Variants in DLGAP1 observed in about 807,000 individuals in gnomAD.
DLGAP1 encodes disks large-associated protein 1.
DLGAP1 carries 11 observed loss-of-function variants against 90.8 expected under a neutral mutation model. That is an observed-to-expected ratio of 0.12 (90% CI 0.08 to 0.20). DLGAP1 has a LOEUF of 0.20. Ranked by LOEUF, DLGAP1 falls within the 10% of genes least tolerant of loss-of-function variation. DLGAP1 has a pLI of 1.00. For synonymous variants in DLGAP1, 558 were observed against 540.7 expected, an observed-to-expected ratio of 1.03 and a Z score of -0.44; for missense variants, 1,050 against 1,333.8, an observed-to-expected ratio of 0.79 and a Z score of 3.31.
chr18:3,701,740 G>A (rs2061285994), intron 7 of DLGAP1, among the ~76,000 whole-genome samples: 1 of 152,166 alleles, frequency 6.6e-6, no homozygotes, highest in African/African-American at 2.4e-5. Context: ...TCTGAAGCTG[G>A]GTTGGTATAT....
chr18:3,957,249 G>A (rs2073102639), intron 3 of DLGAP1, among the ~76,000 whole-genome samples: 1 of 152,158 alleles, frequency 6.6e-6, no homozygotes, highest in South Asian at 2.1e-4. Flanking sequence ...GGAAGAAGGA[G>A]CCAGGAGCCA....
chr18:4,395,374 A>C (rs1050856233), intron 1 of DLGAP1, among the ~76,000 whole-genome samples: 1 of 120,204 alleles, frequency 8.3e-6, no homozygotes, highest in African/African-American at 2.5e-5. Context: ...ACTTAATCAA[A>C]ATCAAATAGG....
At position 3,776,382 on chromosome 18, in the gene DLGAP1, C is replaced by A. The variant is rs544815681; in HGVS notation, c.1173-33870G>T. 1.2e-4 allele frequency among the ~76,000 whole-genome samples: 18 copies of A among 152,230 alleles called. No homozygotes were observed. In the East Asian group the frequency reaches 3.5e-3, roughly 29 times the overall value. ...GTGTATTCTTCTGTGTTTGTACAGC[C>A]CCAGTGAAATGAATCCTCTGAAAGT... is the stretch of plus-strand genomic sequence containing the variant. On this transcript the variant is annotated intron_variant, in intron 5 of 12. Coordinates refer to ENST00000315677, the MANE Select transcript of DLGAP1 (RefSeq NM_004746.4).
chr18:3,581,900 T>C lies in DLGAP1; in HGVS notation c.1940A>G (p.Asn647Ser). The C allele has an allele frequency of 6.2e-7, 1 of 1,614,154 alleles. No homozygotes were observed. The highest frequency in any genetic ancestry group is 8.5e-7 in the Non-Finnish European group (1 of 1,180,018). Residue 647 changes from asparagine to serine, a missense_variant, in exon 8 of 13, where the codon AAT (asparagine) becomes AGT (serine). Asn to Ser is a conservative substitution (Grantham distance 46). Transcript: ENST00000315677. ...EDRKKDHFKK[N>S]RCLSIGIQVD... is the part of the protein sequence containing the mutation. ...CTGTATCCCGATAGACAGGCATCGA[T>C]TTTTCTTAAAGTGGTCCTTCTTCCT...
intron 7 of DLGAP1, chr18:3,598,465 C>CTTT (rs35437765): frequency 9.5e-5 from 11 of 115,328 alleles, no homozygotes; most frequent in African/African-American, 1.7e-4. Context: ...CCCTCCATTA[C>CTTT]TTTTTTTTTT....
intron 7 of DLGAP1, among the ~76,000 whole-genome samples, chr18:3,634,160 C>T (rs530433872): frequency 2.6e-5 from 4 of 151,878 alleles, no homozygotes; most frequent in Non-Finnish European, 5.9e-5. Context: ...TTGGACAATG[C>T]GGCTGGATGA....
intron 2 of DLGAP1, among the ~76,000 whole-genome samples, chr18:4,038,524 T>C (rs1235437932): frequency 2.6e-5 from 4 of 152,152 alleles, no homozygotes; most frequent in Admixed American, 6.5e-5. Flanking sequence ...AAATCTTCTA[T>C]AAAGTAGGTT....
chr18:4,117,463 G>T (rs889221444), intron 2 of DLGAP1, among the ~76,000 whole-genome samples: 1 of 152,074 alleles, frequency 6.6e-6, no homozygotes, highest in South Asian at 2.1e-4. Context: ...ATTTATTTAC[G>T]CTTTGATGAC....
chr18:4,406,588 G>A (rs1252923723), intron 1 of DLGAP1, among the ~76,000 whole-genome samples: 1 of 152,158 alleles, frequency 6.6e-6, no homozygotes, highest in African/African-American at 2.4e-5. Context: ...CTAGGAAAAG[G>A]CAAGTCTCTT....
intron 1 of DLGAP1, among the ~76,000 whole-genome samples, chr18:4,446,624 T>C (rs76612710): frequency 0.053 from 8,044 of 152,276 alleles, 235 homozygotes; most frequent in South Asian, 0.07. Flanking sequence ...AATATCTTTG[T>C]CATTTCAGAA....
chr18:4,197,715 T>G (rs1211637701), intron 1 of DLGAP1, among the ~76,000 whole-genome samples: 2 of 152,146 alleles, frequency 1.3e-5, no homozygotes, highest in African/African-American at 2.4e-5. Context: ...ACAGAATATC[T>G]AGGCTGGAAT....
At chr18:3,973,844 G>A (rs576129942) in intron 3 of DLGAP1, among the ~76,000 whole-genome samples, 7 of 152,284 alleles carry the variant, frequency 4.6e-5, no homozygotes, top group African/African-American at 1.2e-4. Flanking sequence ...ATGAGGATAT[G>A]TTCTGAGAAC....
intron 8 of DLGAP1, among the ~76,000 whole-genome samples, chr18:3,575,557 G>A (rs973530328): frequency 1.3e-5 from 2 of 152,076 alleles, no homozygotes; most frequent in African/African-American, 2.4e-5. Context: ...TCACCTTTGG[G>A]GAGTACAGTA....
chr18:3,983,911 G>A (rs533119793), intron 3 of DLGAP1: 2 of 152,038 alleles, frequency 1.3e-5, no homozygotes, highest in Admixed American at 6.5e-5. Context: ...AATGCTCCCC[G>A]GGAACATGAA....
chr18:4,010,272 C>T (rs2074390056), intron 2 of DLGAP1, among the ~76,000 whole-genome samples: 1 of 152,124 alleles, frequency 6.6e-6, no homozygotes, highest in Non-Finnish European at 1.5e-5. Context: ...TTGCTGGGTG[C>T]GGTGGCTCAG....
rs139187566 is a variant in DLGAP1 at position 3,937,996 on chromosome 18, G to A, written c.-72-57856C>T. ...TCATTAGGATAAAAGTACTCAGCAA[G>A]TATTAGTTATTATGAAATGTGGTTA... On this transcript the variant is annotated intron_variant, in intron 3 of 12. Coordinates refer to ENST00000315677, the MANE Select transcript of DLGAP1 (RefSeq NM_004746.4). Among the ~76,000 whole-genome samples the A allele has an allele frequency of 1.3e-3, 193 of 152,306 alleles. 1 individual carries two copies. Among genetic ancestry groups the A allele is most frequent in the African/African-American group, 4.1e-3 (172 of 41,558 alleles).
chr18:3,508,735 G>A (rs2050377301), intron 10 of DLGAP1, 74 bp from the exon 11 acceptor site: 3 of 1,248,198 alleles, frequency 2.4e-6, no homozygotes, highest in South Asian at 2.6e-5. Flanking sequence ...AAAGCAAAGA[G>A]GAAGTTATGC....
intron 1 of DLGAP1, among the ~76,000 whole-genome samples, chr18:4,176,315 C>T (rs896895872): frequency 6.6e-6 from 1 of 152,186 alleles, no homozygotes; most frequent in Admixed American, 6.5e-5. Flanking sequence ...GTCTAGTGTT[C>T]CAGCCCTTCA....
At chr18:3,703,239 G>A (rs968778567) in intron 7 of DLGAP1, among the ~76,000 whole-genome samples, 2 of 152,182 alleles carry the variant, frequency 1.3e-5, no homozygotes, top group African/African-American at 4.8e-5. Flanking sequence ...GGAATGTGGC[G>A]CTGTCCTGAC....
Sources: allele counts gnomAD v4.1 joint callset (sites outside exome capture counted in the v4.1 genomes callset), GRCh38; gene constraint gnomAD v4.1.1; transcripts MANE v1.5; gene names NCBI Gene and HGNC (gene_info 2026-07-23, HGNC 2026-07-21).